Variants in PTPRZ1 observed in about 807,000 individuals in gnomAD.
PTPRZ1 encodes the protein protein tyrosine phosphatase receptor type Z1.
In PTPRZ1, 82 loss-of-function variants were observed where a neutral mutation model predicts 214.1. The ratio of observed to expected loss-of-function variants is 0.38; its 90% CI spans 0.32 to 0.46. The LOEUF (loss-of-function observed/expected upper bound fraction) is 0.46, where lower values mean the gene tolerates loss of function less well. Ranked by LOEUF, PTPRZ1 falls within the 20% of genes least tolerant of loss-of-function variation. PTPRZ1 has a pLI of 1.00. For missense variants in PTPRZ1, 2,603 were observed against 2,748.7 expected, an observed-to-expected ratio of 0.95 and a Z score of 1.19; for synonymous variants, 945 against 987.9, an observed-to-expected ratio of 0.96 and a Z score of 0.81.
intron 11 of PTPRZ1, 75 bp from the exon 12 acceptor site, chr7:122,010,259 G>T: frequency 7.3e-7 from 1 of 1,367,372 alleles, no homozygotes; most frequent in Non-Finnish European, 1.0e-6. Flanking sequence ...AGTGATGATT[G>T]GCAGTGTAAG....
At chr7:121,874,997 G>A (rs1433497200) in intron 1 of PTPRZ1, among the ~76,000 whole-genome samples, 1 of 151,186 alleles carries the variant, frequency 6.6e-6, no homozygotes, top group Non-Finnish European at 1.5e-5. Flanking sequence ...GTATTGCTTT[G>A]TATGTCTTCA....
intron 1 of PTPRZ1, among the ~76,000 whole-genome samples, chr7:121,896,832 AAAAT>A (rs1160632816): frequency 6.6e-6 from 1 of 151,976 alleles, no homozygotes; most frequent in Non-Finnish European, 1.5e-5. Flanking sequence ...CAGTCACAGA[AAAAT>A]AAATACTGTA....
intron 2 of PTPRZ1, among the ~76,000 whole-genome samples, chr7:121,934,197 A>G (rs1359638983): frequency 6.6e-6 from 1 of 152,166 alleles, no homozygotes; most frequent in Non-Finnish European, 1.5e-5. Context: ...GACACAAAAT[A>G]TTTTCAACTT....
intron 2 of PTPRZ1, among the ~76,000 whole-genome samples, chr7:121,929,740 GGAGGTTGCAGTGAGCC>G: frequency 6.6e-6 from 1 of 151,366 alleles, no homozygotes; most frequent in Non-Finnish European, 1.5e-5. Flanking sequence ...CCCAGGAGGC[GGAGGTTGCAGTGAGCC>G]GAGATCACGC....
intron 2 of PTPRZ1, among the ~76,000 whole-genome samples, chr7:121,952,501 AC>A (rs1352347160): frequency 6.6e-6 from 1 of 152,070 alleles, no homozygotes; most frequent in Non-Finnish European, 1.5e-5. Context: ...CAGTAGAATC[AC>A]TTGAGCCCAG....
chr7:122,012,754 G>C lies in PTPRZ1; in HGVS notation c.3708G>C (p.Leu1236=), dbSNP rs755481242. ...VSNSASSENM[L]HSTSVPVFDV... is the part of the protein sequence containing the mutation. ...ATTCTGCTTCAAGTGAAAACATGCT[G>C]CACTCTACATCTGTACCAGTTTTTG... The change falls in exon 12 of 30, where the codon CTG becomes CTC. Residue 1236 remains leucine, a synonymous_variant. Coordinates refer to ENST00000393386, the MANE Select transcript of PTPRZ1 (RefSeq NM_002851.3). 2 of 1,610,486 alleles carry C rather than the reference G, an allele frequency of 1.2e-6. No homozygotes were observed. The highest frequency in any genetic ancestry group is 2.2e-5 in the South Asian group (2 of 90,986).
At chr7:121,976,969 G>A in intron 6 of PTPRZ1, 118 bp downstream of exon 6, 1 of 649,690 alleles carries the variant, frequency 1.5e-6, no homozygotes, top group Non-Finnish European at 2.5e-6. Context: ...TTTTAAAGAG[G>A]AGCAATCTCT....
In PTPRZ1 at chr7:122,010,443, A is replaced by G. The variant is rs753023999; in HGVS notation, c.1397A>G (p.His466Arg). The change falls in exon 12 of 30, where the codon CAC becomes CGC. Residue 466 changes from histidine to arginine, a missense_variant. Around this residue, in one of 6 missense-constraint regions of PTPRZ1, gnomAD observed 1,913 missense variants for 1,914.3 expected, o/e 1.00. Transcript: ENST00000393386. ...GAACCCCAGATTTCTACCACAACAC[A>G]CTACAATCGCATAGGGACGAAATAC... is the stretch of plus-strand genomic sequence containing the variant. ...KKEPQISTTT[H>R]YNRIGTKYNE... 7 of 1,614,066 alleles carry G rather than the reference A, an allele frequency of 4.3e-6. No homozygotes were observed. Among genetic ancestry groups the G allele is most frequent in the Non-Finnish European group, 5.9e-6 (7 of 1,179,964 alleles).
At position 121,985,865 on chromosome 7, in the gene PTPRZ1, T is replaced by G. The variant is rs564362321; in HGVS notation, c.928+1748T>G. ...AATTGTCTATTTACTTTTGTGTCTC[T>G]GCCAGCAATCTCTGAGCCCCATAAT... is the stretch of plus-strand genomic sequence containing the variant. On this transcript the variant is annotated intron_variant, in intron 8 of 29. Transcript: ENST00000393386. Among the ~76,000 whole-genome samples, 9 of 152,354 alleles carry G rather than the reference T, an allele frequency of 5.9e-5. 1 individual carries two copies. In the South Asian group the frequency reaches 1.7e-3, roughly 28 times the overall value.
intron 2 of PTPRZ1, among the ~76,000 whole-genome samples, chr7:121,959,555 T>C (rs1470926642): frequency 6.6e-6 from 1 of 152,222 alleles, no homozygotes; most frequent in African/African-American, 2.4e-5. Flanking sequence ...GTTTATGTGA[T>C]GGCATTTATC....
At chr7:121,898,389 C>T (rs183204507) in intron 1 of PTPRZ1, among the ~76,000 whole-genome samples, 13 of 152,034 alleles carry the variant, frequency 8.6e-5, no homozygotes, top group African/African-American at 2.9e-4. Context: ...CTCCAGAAAG[C>T]GGCTCTGCTG....
In PTPRZ1 at chr7:122,017,654, C is replaced by G. The variant is rs1206384; in HGVS notation, c.4844-1470C>G. The stretch of plus-strand genomic sequence containing the variant: ...TCAGCTCACTGCAACCTCTACTTCC[C>G]GGGTTCAGGCCATTCTCCTGACTCA... On this transcript the variant is annotated intron_variant, in intron 12 of 29. Transcript: ENST00000393386. Among the ~76,000 whole-genome samples, 10 of 151,822 alleles carry G rather than the reference C, an allele frequency of 6.6e-5. No individual in the cohort carries two copies. In the East Asian group the frequency reaches 1.9e-3, roughly 29 times the overall value.
Position 122,011,095 on chromosome 7 carries a change from T to C in PTPRZ1, c.2049T>C (p.Val683=). 1 of 1,614,146 alleles carries C rather than the reference T, an allele frequency of 6.2e-7. No individual in the cohort carries two copies. The highest frequency in any genetic ancestry group is 1.1e-5 in the South Asian group (1 of 91,076). The change falls in exon 12 of 30, where the codon GTT becomes GTC. Residue 683 remains valine (V), a synonymous_variant. Coordinates refer to ENST00000393386, the MANE Select transcript of PTPRZ1 (RefSeq NM_002851.3). The stretch of plus-strand genomic sequence containing the variant: ...AGACTAATTACACTGAGATACGTGT[T>C]GATGAATCTGAGAAGACAACCAAGT... The part of the protein sequence containing the change: ...FLQTNYTEIR[V]DESEKTTKSF...
chr7:122,004,727 G>A (rs997131505), intron 11 of PTPRZ1, 67 bp downstream of exon 11: 8 of 949,356 alleles, frequency 8.4e-6, no homozygotes, highest in Non-Finnish European at 1.3e-5. Context: ...TGTTGCTTGG[G>A]TGTTAGGTAT....
At position 122,010,990 on chromosome 7, in the gene PTPRZ1, G is replaced by T. The variant is rs770664851; in HGVS notation, c.1944G>T (p.Met648Ile). Residue 648 changes from methionine (M) to isoleucine (I), a missense_variant, in exon 12 of 30, where the codon ATG becomes ATT. Physicochemically the swap from Met to Ile is conservative, Grantham distance 10. Coordinates refer to ENST00000393386, the MANE Select transcript of PTPRZ1 (RefSeq NM_002851.3). Reference sequence around the variant, plus strand: ...AAGAATCACTAAAGGATCCTTCTATGGAGGGAAATGTGTGGTTTCCTAGCT... The same window carrying T: ...AAGAATCACTAAAGGATCCTTCTATTGAGGGAAATGTGTGGTTTCCTAGCT... Reference protein sequence around the residue: ...GSEESLKDPSMEGNVWFPSST... With the variant: ...GSEESLKDPSIEGNVWFPSST... 6.2e-7 allele frequency: 1 copy of T among 1,614,188 alleles called. No individual in the cohort carries two copies. The highest frequency in any genetic ancestry group is 8.5e-7 in the Non-Finnish European group (1 of 1,180,024).
intron 3 of PTPRZ1, among the ~76,000 whole-genome samples, chr7:121,969,588 G>C (rs75338622): frequency 6.7e-6 from 1 of 148,492 alleles, no homozygotes; most frequent in Non-Finnish European, 1.5e-5. Flanking sequence ...AAAATCTCAT[G>C]AAAGTAGAGA....
At chr7:122,023,441 T>C (rs1375736419) in intron 13 of PTPRZ1, among the ~76,000 whole-genome samples, 3 of 145,098 alleles carry the variant, frequency 2.1e-5, no homozygotes, top group Non-Finnish European at 4.5e-5. Context: ...TGGTGGCTCA[T>C]GCCTGTAATC....
chr7:121,934,448 A>G, intron 2 of PTPRZ1, among the ~76,000 whole-genome samples: 1 of 130,842 alleles, frequency 7.6e-6, no homozygotes. Flanking sequence ...AGATCGCGCC[A>G]CTGCACTCTA....
chr7:121,908,359 C>CGAAGCA, intron 1 of PTPRZ1: 1 of 230,652 alleles, frequency 4.3e-6, no homozygotes, highest in Non-Finnish European at 8.7e-6. Flanking sequence ...AGATCAATCC[C>CGAAGCA]TTTGGAAAAG....
Sources: gnomAD v4.1 joint callset for allele counts (sites outside exome capture counted in the v4.1 genomes callset) on GRCh38, gnomAD v4.1.1 for gene constraint, gnomAD v4.1.1 regional missense constraint, MANE v1.5 for transcripts, NCBI Gene and HGNC (gene_info 2026-07-23, HGNC 2026-07-21) for gene names.